Variants in KCNAB1 observed in about 807,000 individuals in gnomAD.
KCNAB1 encodes the protein voltage-gated potassium channel subunit beta-1.
Under a neutral mutation model 64.6 loss-of-function variants are expected in KCNAB1, and 35 were observed. The observed-to-expected ratio is 0.54, with a 90% CI of 0.41 to 0.72. The LOEUF (loss-of-function observed/expected upper bound fraction) is 0.72. Among genes scored for constraint, KCNAB1 ranks in the 30% least tolerant of loss-of-function variants. The probability of loss-of-function intolerance (pLI) is 0.00; values close to 1 mark genes in which losing one functional copy is unlikely to be tolerated. For missense variants in KCNAB1, 401 were observed against 512.9 expected, an observed-to-expected ratio of 0.78 and a Z score of 2.11; for synonymous variants, 177 against 183.8, an observed-to-expected ratio of 0.96 and a Z score of 0.30.
intron 1 of KCNAB1, among the ~76,000 whole-genome samples, chr3:156,386,498 A>G (rs1308059221): frequency 1.3e-5 from 2 of 152,156 alleles, no homozygotes; most frequent in Non-Finnish European, 2.9e-5. Flanking sequence ...TTGACACTTC[A>G]GTGCAACAGG....
chr3:156,315,860 A>G (rs1314613023), intron 1 of KCNAB1, among the ~76,000 whole-genome samples: 4 of 152,198 alleles, frequency 2.6e-5, no homozygotes, highest in African/African-American at 9.6e-5. Context: ...TAATGTTTAG[A>G]ACATATAAAA....
chr3:156,326,875 G>A (rs1256285840), intron 1 of KCNAB1, among the ~76,000 whole-genome samples: 2 of 152,034 alleles, frequency 1.3e-5, no homozygotes, highest in Non-Finnish European at 2.9e-5. Flanking sequence ...CCACTACTTG[G>A]TATAACTTTA....
chr3:156,428,680 G>A (rs1263458699), intron 2 of KCNAB1, among the ~76,000 whole-genome samples: 3 of 152,092 alleles, frequency 2.0e-5, no homozygotes, highest in Non-Finnish European at 4.4e-5. Context: ...TAAGTAAGGA[G>A]TAATGTGGTC....
intron 1 of KCNAB1, among the ~76,000 whole-genome samples, chr3:156,383,600 A>G (rs1392475763): frequency 6.6e-6 from 1 of 152,198 alleles, no homozygotes; most frequent in Non-Finnish European, 1.5e-5. Context: ...TTCTAATAAC[A>G]TCACTGTGAA....
intron 1 of KCNAB1, among the ~76,000 whole-genome samples, chr3:156,349,076 CTG>C (rs1724690800): frequency 6.6e-6 from 1 of 152,310 alleles, no homozygotes; most frequent in Admixed American, 6.5e-5. Flanking sequence ...ACAGAGGAAA[CTG>C]AGACACAGGG....
At chr3:156,532,141 C>T (rs1559934180) in intron 13 of KCNAB1, among the ~76,000 whole-genome samples, 2 of 152,286 alleles carry the variant, frequency 1.3e-5, no homozygotes, top group African/African-American at 2.4e-5. Flanking sequence ...AGGATCACAT[C>T]TCCCTAGAAG....
intron 8 of KCNAB1, among the ~76,000 whole-genome samples, chr3:156,480,648 AC>A (rs1283793395): frequency 6.6e-6 from 1 of 152,106 alleles, no homozygotes; most frequent in Non-Finnish European, 1.5e-5. Flanking sequence ...TCCAAAAGTT[AC>A]TAATGGCATA....
chr3:156,384,190 G>A (rs533011206), intron 1 of KCNAB1, among the ~76,000 whole-genome samples: 27 of 152,304 alleles, frequency 1.8e-4, no homozygotes, highest in African/African-American at 6.5e-4. Flanking sequence ...CAACTGAATG[G>A]CAGCTTGTTG....
rs998155000 is a variant in KCNAB1, at chr3:156,179,633, A to G, written c.275+58747A>G. On this transcript the variant is annotated intron_variant, in intron 1 of 13. Coordinates refer to ENST00000490337, the MANE Select transcript of KCNAB1 (RefSeq NM_172160.3). ...TACCTTTGCATGAAATGACTCTGTAAAAGTTCTGGCTGCATGCAATGAGGG... is the reference window on the plus strand; with the variant it reads ...TACCTTTGCATGAAATGACTCTGTAGAAGTTCTGGCTGCATGCAATGAGGG... Among the ~76,000 whole-genome samples, 4 of 152,136 alleles carry G rather than the reference A, an allele frequency of 2.6e-5. No homozygotes were observed. The East Asian group carries it at 7.7e-4, about 29-fold the overall frequency.
intron 8 of KCNAB1, among the ~76,000 whole-genome samples, chr3:156,505,468 T>C (rs1165278588): frequency 1.3e-5 from 2 of 152,216 alleles, no homozygotes; most frequent in East Asian, 1.9e-4. Context: ...AGGGATTACA[T>C]TGAATGTATA....
intron 8 of KCNAB1, among the ~76,000 whole-genome samples, chr3:156,494,855 A>T (rs1559914677): frequency 6.6e-6 from 1 of 152,010 alleles, no homozygotes; most frequent in East Asian, 1.9e-4. Context: ...AAGTTTGCCA[A>T]TTTTTTTCTT....
At chr3:156,487,754 C>T (rs1019996319) in intron 8 of KCNAB1, among the ~76,000 whole-genome samples, 21 of 152,046 alleles carry the variant, frequency 1.4e-4, no homozygotes, top group Admixed American at 1.2e-3. Context: ...GTATCATCGC[C>T]TTTGAAACTA....
intron 1 of KCNAB1, among the ~76,000 whole-genome samples, chr3:156,364,647 G>T (rs1404495646): frequency 6.6e-6 from 1 of 152,050 alleles, no homozygotes; most frequent in African/African-American, 2.4e-5. Context: ...GTGTGGTGGT[G>T]CATGCCTGTA....
At chr3:156,358,118 T>C (rs1376668744) in intron 1 of KCNAB1, among the ~76,000 whole-genome samples, 1 of 152,232 alleles carries the variant, frequency 6.6e-6, no homozygotes, top group Admixed American at 6.5e-5. Flanking sequence ...GGCTAGTAGC[T>C]ACCTCATTAG....
intron 1 of KCNAB1, among the ~76,000 whole-genome samples, chr3:156,149,458 G>A (rs1455182925): frequency 6.6e-6 from 1 of 152,100 alleles, no homozygotes; most frequent in Non-Finnish European, 1.5e-5. Flanking sequence ...AGATGTCAGG[G>A]CAGAGAATTT....
intron 8 of KCNAB1, among the ~76,000 whole-genome samples, chr3:156,481,095 T>C (rs1402997401): frequency 6.6e-6 from 1 of 152,108 alleles, no homozygotes; most frequent in Admixed American, 6.6e-5. Context: ...GACACTTACA[T>C]GCTGTTTCTC....
chr3:156,182,844 G>A (rs918279001), intron 1 of KCNAB1, among the ~76,000 whole-genome samples: 5 of 151,068 alleles, frequency 3.3e-5, no homozygotes, highest in Non-Finnish European at 4.4e-5. Context: ...GATTACAGGC[G>A]CCCGCCACTA....
chr3:156,366,741 A>C (rs558604214), intron 1 of KCNAB1, among the ~76,000 whole-genome samples: 1 of 152,340 alleles, frequency 6.6e-6, no homozygotes, highest in African/African-American at 2.4e-5. Flanking sequence ...TGTAATCATT[A>C]TCCAGTTCAT....
intron 1 of KCNAB1, among the ~76,000 whole-genome samples, chr3:156,420,511 G>T (rs1212246019): frequency 6.6e-6 from 1 of 152,226 alleles, no homozygotes; most frequent in Non-Finnish European, 1.5e-5. Context: ...AACCAAAACT[G>T]ATGACAAATC....
Sources: gnomAD v4.1 joint callset for allele counts (sites outside exome capture counted in the v4.1 genomes callset) on GRCh38, gnomAD v4.1.1 for gene constraint, MANE v1.5 for transcripts, NCBI Gene and HGNC (gene_info 2026-07-23, HGNC 2026-07-21) for gene names.